The following CCDC148 variants were observed in gnomAD, a reference collection of about 807,000 sequenced individuals.
CCDC148 encodes the protein coiled-coil domain-containing protein 148.
In CCDC148, 89 loss-of-function variants were observed where a neutral mutation model predicts 85.7. The observed-to-expected ratio is 1.04, with a 90% CI of 0.87 to 1.24. The LOEUF (loss-of-function observed/expected upper bound fraction) is 1.24. Among genes scored for constraint, CCDC148 ranks in the 50% most tolerant of loss-of-function variants. CCDC148 has a pLI of 0.00. For missense variants in CCDC148, 692 were observed against 671.7 expected (o/e 1.03, Z -0.33); for synonymous variants, 230 against 213.9 (o/e 1.08, Z -0.66).
intron 1 of CCDC148, among the ~76,000 whole-genome samples, chr2:158,433,792 A>G (rs1003345761): frequency 6.6e-6 from 1 of 152,182 alleles, no homozygotes; most frequent in Non-Finnish European, 1.5e-5. Context: ...CGCTTTTCCA[A>G]GGGTCTTAGC....
chr2:158,234,103 G>A (rs988286044), intron 10 of CCDC148, among the ~76,000 whole-genome samples: 2 of 152,022 alleles, frequency 1.3e-5, no homozygotes, highest in African/African-American at 4.8e-5. Flanking sequence ...TTGAACCTGG[G>A]AGACAGAGGT....
At chr2:158,351,960 G>T (rs1683329600) in intron 2 of CCDC148, among the ~76,000 whole-genome samples, 2 of 145,204 alleles carry the variant, frequency 1.4e-5, no homozygotes, top group Admixed American at 1.4e-4. Context: ...CCCCCAGCAG[G>T]GGCACACTGA....
chr2:158,180,754 T>C (rs1280987717), intron 11 of CCDC148, among the ~76,000 whole-genome samples: 3 of 152,020 alleles, frequency 2.0e-5, no homozygotes, highest in African/African-American at 7.2e-5. Context: ...AACAGGTTGC[T>C]CATGAGTCTG....
At chr2:158,183,601 T>C (rs988786277) in intron 11 of CCDC148, among the ~76,000 whole-genome samples, 1 of 152,106 alleles carries the variant, frequency 6.6e-6, no homozygotes, top group Non-Finnish European at 1.5e-5. Context: ...AGCAATAAAA[T>C]GGAGCATAAA....
At chr2:158,251,246 G>A (rs11680796) in intron 9 of CCDC148, among the ~76,000 whole-genome samples, 50,360 of 151,084 alleles carry the variant, frequency 0.33, 10,027 homozygotes, top group South Asian at 0.59. Context: ...TTTTTTTCCC[G>A]GAGGTTAAAC....
At chr2:158,310,336 A>G (rs1036847326) in intron 8 of CCDC148, among the ~76,000 whole-genome samples, 1 of 152,238 alleles carries the variant, frequency 6.6e-6, no homozygotes, top group Non-Finnish European at 1.5e-5. Flanking sequence ...CTACACAGAC[A>G]CAGTAACAAT....
intron 9 of CCDC148, 25 bp from the exon 10 acceptor site, chr2:158,250,937 T>C (rs1688768124): frequency 6.3e-7 from 1 of 1,587,752 alleles, no homozygotes; most frequent in African/African-American, 1.4e-5. Flanking sequence ...AAAACTTCAT[T>C]CCAGTAACTA....
intron 1 of CCDC148, among the ~76,000 whole-genome samples, chr2:158,376,029 A>G (rs562200589): frequency 6.6e-6 from 1 of 152,254 alleles, no homozygotes; most frequent in South Asian, 2.1e-4. Context: ...CTCAACTGAG[A>G]TAGACTGGGA....
chr2:158,317,692 G>T (rs1281301068), intron 7 of CCDC148, among the ~76,000 whole-genome samples: 3 of 152,120 alleles, frequency 2.0e-5, no homozygotes, highest in Admixed American at 2.0e-4. Context: ...ACATTTAGGG[G>T]TGGAGGGCAG....
At position 158,172,292 on chromosome 2, in the gene CCDC148, T is replaced by C. The variant is rs200327627; in HGVS notation, c.1630-33A>G. 3.7e-4 allele frequency: 536 copies of C among 1,462,692 alleles called. 7 individuals are homozygous for C. In the South Asian group the frequency reaches 6.3e-3, roughly 17 times the overall value. 90.6% of individuals were successfully genotyped at this position (1,462,692 alleles called of 1,614,324 possible). Reference sequence around the variant, plus strand: ...AATAAAAATACAATTTAAATAACAATTCATTGAACTAAAATAACTTTTAAC... The same window carrying C: ...AATAAAAATACAATTTAAATAACAACTCATTGAACTAAAATAACTTTTAAC... On this transcript the variant is annotated intron_variant, in intron 13 of 13. Transcript: ENST00000283233.
chr2:158,406,047 T>C (rs963425631), intron 1 of CCDC148, among the ~76,000 whole-genome samples: 1 of 152,174 alleles, frequency 6.6e-6, no homozygotes, highest in African/African-American at 2.4e-5. Flanking sequence ...AGGGTGGCTC[T>C]ACATGGTGTG....
At chr2:158,381,687 T>C (rs1017099566) in intron 1 of CCDC148, among the ~76,000 whole-genome samples, 1 of 152,150 alleles carries the variant, frequency 6.6e-6, no homozygotes, top group South Asian at 2.1e-4. Flanking sequence ...ATGTTAGAAA[T>C]GACCCACAGC....
At chr2:158,437,299 C>A (rs1687705059) in intron 1 of CCDC148, among the ~76,000 whole-genome samples, 1 of 152,158 alleles carries the variant, frequency 6.6e-6, no homozygotes, top group Non-Finnish European at 1.5e-5. Context: ...GGGCTTCATC[C>A]CTGGGATACA....
chr2:158,202,166 TGTC>T (rs569880495), intron 11 of CCDC148, among the ~76,000 whole-genome samples: 8 of 152,354 alleles, frequency 5.3e-5, no homozygotes, highest in African/African-American at 1.9e-4. Flanking sequence ...AGAAAAATAT[TGTC>T]ATTGTTCCAT....
In CCDC148 at chr2:158,264,693, T is replaced by C. The variant is rs1286116480; in HGVS notation, c.1111-13781A>G. Reference sequence around the variant, plus strand: ...CCAGATTATCCCCCAAAATGCTAAATGGAAGTTACAAATCAATTCTCTGAG... The same window carrying C: ...CCAGATTATCCCCCAAAATGCTAAACGGAAGTTACAAATCAATTCTCTGAG... On this transcript the variant is annotated intron_variant, in intron 9 of 13. Transcript: ENST00000283233. Among the ~76,000 whole-genome samples, 5 of 151,988 alleles carry C rather than the reference T, an allele frequency of 3.3e-5. 1 individual carries two copies. Among genetic ancestry groups the C allele is most frequent in the Middle Eastern group, 6.3e-3 (2 of 316 alleles).
intron 1 of CCDC148, among the ~76,000 whole-genome samples, chr2:158,448,888 C>A (rs562111756): frequency 6.6e-6 from 1 of 151,396 alleles, no homozygotes; most frequent in Non-Finnish European, 1.5e-5. Context: ...AGTGCAGTGG[C>A]GCAATCTCAG....
In CCDC148 at chr2:158,242,149, T is replaced by C. The variant is rs987030715; in HGVS notation, c.1251+8623A>G. ...TAGTTCTGCCATTCTAGAGACATTC[T>C]GTTACTTGGTAAAGAGTAACCAGGC... On this transcript the variant is annotated intron_variant, in intron 10 of 13. Coordinates refer to ENST00000283233, the MANE Select transcript of CCDC148 (RefSeq NM_138803.4). Among the ~76,000 whole-genome samples the C allele has an allele frequency of 6.6e-5, 10 of 152,204 alleles. No individual in the cohort carries two copies. In the East Asian group the frequency reaches 1.7e-3, roughly 26 times the overall value.
intron 1 of CCDC148, among the ~76,000 whole-genome samples, chr2:158,381,333 A>G (rs1412230720): frequency 6.6e-6 from 1 of 152,200 alleles, no homozygotes; most frequent in African/African-American, 2.4e-5. Context: ...CCACAATAAA[A>G]GGATACCCAA....
chr2:158,443,952 T>C lies in CCDC148; in HGVS notation c.25+12463A>G, dbSNP rs542759939. On this transcript the variant is annotated intron_variant, in intron 1 of 13. Transcript: ENST00000283233. ...CCATAGTCAATAGGTTGCAATTCAA[T>C]TTTAGGAACATAAAAAATAATTACA... is the stretch of plus-strand genomic sequence containing the variant. Among the ~76,000 whole-genome samples the C allele has an allele frequency of 6.6e-5, 10 of 152,360 alleles. No individual in the cohort carries two copies. In the East Asian group the frequency reaches 1.9e-3, roughly 29 times the overall value.
Sources: gnomAD v4.1 joint callset for allele counts (sites outside exome capture counted in the v4.1 genomes callset) on GRCh38, gnomAD v4.1.1 for gene constraint, MANE v1.5 for transcripts, NCBI Gene and HGNC (gene_info 2026-07-23, HGNC 2026-07-21) for gene names.